The following RGS12 variants were observed in gnomAD, a reference collection of about 807,000 sequenced individuals.
RGS12 encodes regulator of G protein signaling 12.
In RGS12, 66 loss-of-function variants were observed where a neutral mutation model predicts 120.1. The ratio of observed to expected loss-of-function variants is 0.55; its 90% CI spans 0.45 to 0.67. The LOEUF is 0.67. Ranked by LOEUF, RGS12 falls within the 30% of genes least tolerant of loss-of-function variation. The pLI, the probability that RGS12 is intolerant of heterozygous loss-of-function variation, is 0.00. For synonymous variants in RGS12, 827 were observed against 804.7 expected, an observed-to-expected ratio of 1.03 and a Z score of -0.47; for missense variants, 1,859 against 1,957.7, an observed-to-expected ratio of 0.95 and a Z score of 0.95.
chr4:3,294,557 G>C (rs574844240), intron 1 of RGS12, among the ~76,000 whole-genome samples: 1 of 152,208 alleles, frequency 6.6e-6, no homozygotes, highest in Non-Finnish European at 1.5e-5. Flanking sequence ...TCCGGTGCCC[G>C]GGCCCTGCGT....
chr4:3,386,431 G>T lies in RGS12; in HGVS notation c.2014G>T (p.Asp672Tyr). ...TTTCTTTCAGTCTGCAACTGTGTCT[G>T]ATGGCGGTAAGTCACAATTTCTGAT... ...LDDLESATVS[D>Y]GELTGADLKD... Residue 672 changes from aspartate to tyrosine, a missense_variant, in exon 4 of 18, where the codon GAT becomes TAT. Coordinates refer to ENST00000336727, the MANE Select transcript of RGS12 (RefSeq NM_001394154.1). 1 of 1,611,978 alleles carries T rather than the reference G, an allele frequency of 6.2e-7. No individual in the cohort carries two copies. The highest frequency in any genetic ancestry group is 1.1e-5 in the South Asian group (1 of 91,004).
intron 3 of RGS12, among the ~76,000 whole-genome samples, chr4:3,381,800 T>C (rs998235201): frequency 5.3e-5 from 8 of 152,332 alleles, no homozygotes; most frequent in Middle Eastern, 3.4e-3. Flanking sequence ...GTCCTCCAAG[T>C]TTTCATACTT....
At chr4:3,378,526 T>C (rs1717926180) in intron 3 of RGS12, 1 of 152,062 alleles carries the variant, frequency 6.6e-6, no homozygotes, top group Admixed American at 6.5e-5. Flanking sequence ...CAGTAAGGGG[T>C]TAATATCCAA....
chr4:3,436,316 C>T (rs868469877), intron 17 of RGS12, among the ~76,000 whole-genome samples: 1 of 152,192 alleles, frequency 6.6e-6, no homozygotes, highest in African/African-American at 2.4e-5. Context: ...TCGCTCCCCC[C>T]TTCCTGCCGT....
intron 3 of RGS12, among the ~76,000 whole-genome samples, chr4:3,380,915 T>C (rs961601024): frequency 2.0e-5 from 3 of 152,366 alleles, no homozygotes; most frequent in East Asian, 1.9e-4. Flanking sequence ...TTATTACTTA[T>C]GCAAATTTAT....
At chr4:3,404,303 T>C (rs1042677080) in intron 4 of RGS12, among the ~76,000 whole-genome samples, 3 of 152,132 alleles carry the variant, frequency 2.0e-5, no homozygotes, top group African/African-American at 7.2e-5. Context: ...AGTCTCCACA[T>C]GGGGATTTTC....
chr4:3,428,796 C>T (rs2109217727), intron 16 of RGS12, 85 bp downstream of exon 16: 1 of 1,239,140 alleles, frequency 8.1e-7, no homozygotes, highest in East Asian at 2.4e-5. Context: ...TTTGAGCTGT[C>T]AGCATCTGGG....
chr4:3,422,705 A>G, intron 11 of RGS12, 135 bp downstream of exon 11: 1 of 1,129,510 alleles, frequency 8.9e-7, no homozygotes, highest in Non-Finnish European at 1.3e-6. Context: ...CGGAGGCCGG[A>G]TTATCTGAAC....
chr4:3,376,826 G>C (rs929318738), intron 3 of RGS12, among the ~76,000 whole-genome samples: 56 of 152,164 alleles, frequency 3.7e-4, no homozygotes, highest in African/African-American at 1.3e-3. Flanking sequence ...CACTCACTCT[G>C]TGCTGCACTC....
At chr4:3,292,296 T>C (rs1723066136), upstream of RGS12, among the ~76,000 whole-genome samples, 1 of 152,004 alleles carries the variant, frequency 6.6e-6, no homozygotes, top group Non-Finnish European at 1.5e-5. Flanking sequence ...GCTCCTCCTC[T>C]CGTGCCAGCG....
In RGS12 at chr4:3,390,891, T is replaced by A. The variant is rs1719427921; in HGVS notation, c.2020+4454T>A. On this transcript the variant is annotated intron_variant, in intron 4 of 17. Coordinates refer to ENST00000336727, the MANE Select transcript of RGS12 (RefSeq NM_001394154.1). The surrounding 1 kb of genome is among the most constrained non-coding windows in gnomAD (Gnocchi z 4.6). ...TCCTCTTTAAAATATAAAGTATAAT[T>A]GTTGATATTTTTGGCAAATGCCAAA... 6.6e-6 allele frequency among the ~76,000 whole-genome samples: 1 copy of A among 152,212 alleles called. No individual in the cohort carries two copies. The highest frequency in any genetic ancestry group is 2.4e-5 in the African/African-American group (1 of 41,452).
intron 2 of RGS12, among the ~76,000 whole-genome samples, chr4:3,323,520 CT>C (rs1235858380): frequency 1.3e-5 from 2 of 152,142 alleles, no homozygotes; most frequent in Non-Finnish European, 2.9e-5. Context: ...CTGTGAGTTA[CT>C]TTTTTCTAAA....
intron 2 of RGS12, chr4:3,342,338 C>A: frequency 9.1e-7 from 1 of 1,097,364 alleles, no homozygotes; most frequent in Non-Finnish European, 1.2e-6. Context: ...TAATGATGGG[C>A]ACAACATAGA....
chr4:3,289,279 T>C (rs1187938591), upstream of RGS12, among the ~76,000 whole-genome samples: 1 of 152,104 alleles, frequency 6.6e-6, no homozygotes, highest in Non-Finnish European at 1.5e-5. Flanking sequence ...TCTTGGCTCA[T>C]TGCAACCTCA....
Position 3,439,473 on chromosome 4 carries a change from G to C in RGS12, c.4133G>C (p.Ser1378Thr), listed in dbSNP as rs199671268. ...GTGACAGGAAGTGGGACCCATGGCA[G>C]CCGAGACCTCCCAGTCAACAGAATC... Reference protein sequence around the residue: ...PSRPGSGTHGSRDLPVNRIID... With the variant: ...PSRPGSGTHGTRDLPVNRIID... Residue 1378 changes from serine (S) to threonine (T), a missense_variant, in exon 18 of 18, where the codon AGC (serine) becomes ACC (threonine). Coordinates refer to ENST00000336727, the MANE Select transcript of RGS12 (RefSeq NM_001394154.1). 5.0e-6 allele frequency: 8 copies of C among 1,612,832 alleles called. No individual in the cohort carries two copies. The highest frequency in any genetic ancestry group is 3.3e-5 in the Admixed American group (2 of 60,022).
intron 3 of RGS12, among the ~76,000 whole-genome samples, chr4:3,382,690 T>C (rs751627238): frequency 4.6e-5 from 7 of 151,988 alleles, no homozygotes; most frequent in Non-Finnish European, 2.9e-5. Context: ...CTCTGTACTG[T>C]GGTCAGTGTA....
chr4:3,422,642 C>A, intron 11 of RGS12, 72 bp downstream of exon 11: 1 of 1,489,478 alleles, frequency 6.7e-7, no homozygotes, highest in South Asian at 1.2e-5. Flanking sequence ...CCAGCTTTGT[C>A]AGAGTCCTCA....
chr4:3,394,693 G>T (rs1307725941), intron 4 of RGS12, among the ~76,000 whole-genome samples: 3 of 152,132 alleles, frequency 2.0e-5, no homozygotes, highest in Non-Finnish European at 4.4e-5. Context: ...ACGCTGAAAG[G>T]TACATACATG....
chr4:3,427,081 C>G (rs1420877130), intron 14 of RGS12, among the ~76,000 whole-genome samples: 2 of 152,194 alleles, frequency 1.3e-5, no homozygotes, highest in African/African-American at 4.8e-5. Context: ...GCTCCCCTCC[C>G]CAACTCCTCA....
Sources: allele counts gnomAD v4.1 joint callset (sites outside exome capture counted in the v4.1 genomes callset), GRCh38; gene constraint gnomAD v4.1.1; non-coding constraint Gnocchi (gnomAD v3.1); transcripts MANE v1.5; gene names NCBI Gene and HGNC (gene_info 2026-07-23, HGNC 2026-07-21).